Variants in DIS3L2 observed in about 807,000 individuals in gnomAD.
The protein encoded by DIS3L2 is DIS3-like exonuclease 2.
In DIS3L2, 34 loss-of-function variants were observed where a neutral mutation model predicts 97.5. The ratio of observed to expected loss-of-function variants is 0.35; its 90% confidence interval spans 0.27 to 0.46. The LOEUF (loss-of-function observed/expected upper bound fraction) is 0.46. Among genes scored for constraint, DIS3L2 ranks in the 20% least tolerant of loss-of-function variants. DIS3L2 has a pLI of 1.00. For missense variants in DIS3L2, 1,038 were observed against 1,146.0 expected (o/e 0.91, Z 1.36); for synonymous variants, 435 against 445.2 (o/e 0.98, Z 0.29).
At chr2:232,060,370 C>A (rs1377492587) in intron 5 of DIS3L2, among the ~76,000 whole-genome samples, 6 of 151,960 alleles carry the variant, frequency 3.9e-5, no homozygotes, top group Admixed American at 3.9e-4. Flanking sequence ...AGTTTGAGGT[C>A]TTAGATTTAA....
chr2:232,030,203 G>A (rs1694767534), intron 5 of DIS3L2, 123 bp downstream of exon 5: 1 of 762,542 alleles, frequency 1.3e-6, no homozygotes, highest in Non-Finnish European at 2.1e-6. Flanking sequence ...ATAAGATGGG[G>A]TGTAATCTTG....
rs1693911434 is a variant in DIS3L2, at chr2:232,268,777, T to C, written c.1659+5337T>C. 6.6e-6 allele frequency among the ~76,000 whole-genome samples: 1 copy of C among 152,228 alleles called. No individual in the cohort carries two copies. The highest frequency in any genetic ancestry group is 1.9e-4 in the East Asian group (1 of 5,198). On this transcript the variant is annotated intron_variant, in intron 13 of 20. Coordinates refer to ENST00000325385, the MANE Select transcript of DIS3L2 (RefSeq NM_152383.5). This position sits in a 1 kb window ranked among gnomAD's most constrained non-coding sequence, Gnocchi z 4.1. ...AAACAGCCAGCTAGCAATTCAGCCC[T>C]GCTATCCAGTGAGCTTTTAGCAGCT...
Position 232,336,901 on chromosome 2 carries a change from A to G in DIS3L2, c.*271A>G. The G allele has an allele frequency of 1.6e-6, 2 of 1,283,868 alleles. No individual in the cohort carries two copies. The highest frequency in any genetic ancestry group is 1.5e-5 in the African/African-American group (1 of 65,716). 79.5% of individuals were successfully genotyped at this position (1,283,868 alleles called of 1,614,324 possible). A position where few individuals can be genotyped will look rare whatever the true frequency, so the allele number is the denominator to read the frequency against. ...CTGGCCCCCCTTTTTTCTGGGCCCT[A>G]CTGCCCTCCTCTGCCCAGGAAATGG... On this transcript the variant is annotated 3_prime_UTR_variant, in exon 21 of 21. Transcript: ENST00000325385.
chr2:232,012,994 TC>T (rs1694251188), intron 1 of DIS3L2, among the ~76,000 whole-genome samples: 1 of 152,208 alleles, frequency 6.6e-6, no homozygotes, highest in Non-Finnish European at 1.5e-5. Context: ...CATATAATAC[TC>T]CAAGTAGAAT....
chr2:231,986,825 G>A (rs987416681), intron 1 of DIS3L2, among the ~76,000 whole-genome samples: 3 of 152,186 alleles, frequency 2.0e-5, no homozygotes, highest in Non-Finnish European at 4.4e-5. Flanking sequence ...TAGCCTGTTT[G>A]TAGTAGCACT....
intron 13 of DIS3L2, among the ~76,000 whole-genome samples, chr2:232,289,615 G>A (rs1694543893): frequency 6.6e-6 from 1 of 152,172 alleles, no homozygotes; most frequent in Non-Finnish European, 1.5e-5. Context: ...ACAAAATCTG[G>A]TGAAAATAGA....
chr2:232,250,473 G>A (rs1693386289), intron 12 of DIS3L2, among the ~76,000 whole-genome samples: 1 of 150,980 alleles, frequency 6.6e-6, no homozygotes, highest in Non-Finnish European at 1.5e-5. Context: ...TGAATCCTGA[G>A]CCAGCAATAG....
chr2:232,018,368 C>A (rs1306688781), intron 3 of DIS3L2, among the ~76,000 whole-genome samples: 1 of 152,172 alleles, frequency 6.6e-6, no homozygotes, highest in South Asian at 2.1e-4. Context: ...CAGGGCCTCC[C>A]CCCTACATAT....
At chr2:232,161,181 G>C (rs1690639363) in intron 8 of DIS3L2, among the ~76,000 whole-genome samples, 1 of 152,160 alleles carries the variant, frequency 6.6e-6, no homozygotes, top group Non-Finnish European at 1.5e-5. Context: ...CTCCCAAAGT[G>C]CTGGGATTAC....
Position 232,292,425 on chromosome 2 carries a change from G to A in DIS3L2, c.1660-7615G>A, listed in dbSNP as rs1257221117. ...TCTCCATTGTCATCCTACCCAGAAA[G>A]CTCAGACGGGCGGAAGGAGGGCCTC... On this transcript the variant is annotated intron_variant, in intron 13 of 20. Transcript: ENST00000325385. This position sits in a 1 kb window ranked among gnomAD's most constrained non-coding sequence, Gnocchi z 4.4. 6.6e-6 allele frequency among the ~76,000 whole-genome samples: 1 copy of A among 152,134 alleles called. No individual in the cohort carries two copies. The highest frequency in any genetic ancestry group is 2.4e-5 in the African/African-American group (1 of 41,422).
chr2:232,167,133 G>T (rs993539018), intron 9 of DIS3L2, among the ~76,000 whole-genome samples: 1 of 151,518 alleles, frequency 6.6e-6, no homozygotes, highest in Non-Finnish European at 1.5e-5. Context: ...TTTTTCTAAT[G>T]TTTCTTAATG....
At chr2:232,067,174 T>C (rs1439598906) in intron 5 of DIS3L2, among the ~76,000 whole-genome samples, 2 of 152,144 alleles carry the variant, frequency 1.3e-5, no homozygotes, top group African/African-American at 4.8e-5. Context: ...CTTCCACTTA[T>C]TTTGGGTTAA....
intron 6 of DIS3L2, among the ~76,000 whole-genome samples, chr2:232,098,744 T>C (rs77758728): frequency 3.0e-3 from 450 of 152,334 alleles, no homozygotes; most frequent in African/African-American, 9.9e-3. Context: ...GACTGTTCTC[T>C]TGTTGATTTA....
rs569771215 is a variant in DIS3L2 at position 232,164,426 on chromosome 2, T to G, written c.1124+794T>G. 2.0e-5 allele frequency among the ~76,000 whole-genome samples: 3 copies of G among 152,296 alleles called. No individual in the cohort carries two copies. The Middle Eastern group carries it at 0.01, about 518-fold the overall frequency. Reference sequence around the variant, plus strand: ...TCATTTTGGATGCCACATGGAGATATTTAGAACCAAGAAACTTTTCATACA... The same window carrying G: ...TCATTTTGGATGCCACATGGAGATAGTTAGAACCAAGAAACTTTTCATACA... On this transcript the variant is annotated intron_variant, in intron 9 of 20. Coordinates refer to ENST00000325385, the MANE Select transcript of DIS3L2 (RefSeq NM_152383.5).
At chr2:232,130,295 A>T (rs1698180672) in intron 6 of DIS3L2, among the ~76,000 whole-genome samples, 1 of 152,196 alleles carries the variant, frequency 6.6e-6, no homozygotes, top group Admixed American at 6.5e-5. Flanking sequence ...CTGGGGCAGC[A>T]TTTAACATCT....
chr2:232,343,480 C>G (rs776084035), exon 14 of DIS3L2: 3 of 1,555,892 alleles, frequency 1.9e-6, no homozygotes, highest in South Asian at 2.4e-5. Context: ...TCCAGACACA[C>G]GACTGTTTTT....
intron 9 of DIS3L2, among the ~76,000 whole-genome samples, chr2:232,201,563 T>A (rs867070190): frequency 6.6e-6 from 1 of 152,256 alleles, no homozygotes; most frequent in Admixed American, 6.5e-5. Context: ...GAAACTTTGA[T>A]TAGATCCTGG....
At chr2:232,121,707 G>C (rs1023203641) in intron 6 of DIS3L2, among the ~76,000 whole-genome samples, 1 of 152,082 alleles carries the variant, frequency 6.6e-6, no homozygotes, top group South Asian at 2.1e-4. Flanking sequence ...CAGAGGCTCC[G>C]AGTCTGTAGG....
At position 232,093,203 on chromosome 2, in the gene DIS3L2, G is replaced by A. The variant is rs575255620; in HGVS notation, c.601+5482G>A. On this transcript the variant is annotated intron_variant, in intron 6 of 20. Coordinates refer to ENST00000325385, the MANE Select transcript of DIS3L2 (RefSeq NM_152383.5). ...TGATGCATCACATTGATTGGTTTGC[G>A]TATGTTGAGCCATGTTTGCATCCCT... is the stretch of plus-strand genomic sequence containing the variant. Among the ~76,000 whole-genome samples, 18 of 152,132 alleles carry A rather than the reference G, an allele frequency of 1.2e-4. No individual in the cohort carries two copies. The East Asian group carries it at 1.4e-3, about 11-fold the overall frequency.
Sources: gnomAD v4.1 joint callset for allele counts (sites outside exome capture counted in the v4.1 genomes callset) on GRCh38, gnomAD v4.1.1 for gene constraint, Gnocchi (gnomAD v3.1) non-coding constraint, MANE v1.5 for transcripts, NCBI Gene and HGNC (gene_info 2026-07-23, HGNC 2026-07-21) for gene names.